The following GSTCD variants were observed in gnomAD, a reference collection of about 807,000 sequenced individuals.
GSTCD encodes the protein glutathione S-transferase C-terminal domain-containing protein.
Under a neutral mutation model 68.3 loss-of-function variants are expected in GSTCD, and 44 were observed. That is an observed-to-expected ratio of 0.64 (90% CI 0.51 to 0.83). The LOEUF is 0.83. Among genes scored for constraint, GSTCD ranks in the 40% least tolerant of loss-of-function variants. The pLI is 0.00. For synonymous variants in GSTCD, 273 were observed against 255.2 expected (o/e 1.07, Z -0.67); for missense variants, 739 against 735.9 (o/e 1.00, Z -0.05).
chr4:105,805,045 T>G (rs1722435815), intron 5 of GSTCD, among the ~76,000 whole-genome samples: 1 of 152,132 alleles, frequency 6.6e-6, no homozygotes. Flanking sequence ...TTATATTTAT[T>G]TTTATTTAGA....
chr4:105,768,105 G>A (rs1422161299), intron 5 of GSTCD, among the ~76,000 whole-genome samples: 2 of 150,634 alleles, frequency 1.3e-5, no homozygotes, highest in South Asian at 2.1e-4. Context: ...GCGCGATCTC[G>A]GCTCACTGCA....
At chr4:105,733,301 C>G (rs1001774264) in intron 5 of GSTCD, among the ~76,000 whole-genome samples, 2 of 152,084 alleles carry the variant, frequency 1.3e-5, no homozygotes, top group East Asian at 3.8e-4. Flanking sequence ...TAAAATCTCC[C>G]ATTATTATTG....
chr4:105,800,594 G>A (rs186009841), intron 5 of GSTCD, among the ~76,000 whole-genome samples: 2 of 152,282 alleles, frequency 1.3e-5, no homozygotes, highest in East Asian at 3.9e-4. Context: ...TTATAAATGT[G>A]TATGACACAA....
chr4:105,787,862 A>G (rs940800633), intron 5 of GSTCD, among the ~76,000 whole-genome samples: 1 of 152,234 alleles, frequency 6.6e-6, no homozygotes, highest in East Asian at 1.9e-4. Flanking sequence ...TTTTGGTATC[A>G]TTATTACTAT....
At chr4:105,817,945 A>G (rs1018240575) in intron 5 of GSTCD, among the ~76,000 whole-genome samples, 2 of 151,946 alleles carry the variant, frequency 1.3e-5, no homozygotes, top group Non-Finnish European at 2.9e-5. Flanking sequence ...AAATTAGCAT[A>G]ATGCCTTGAA....
chr4:105,829,776 T>C (rs113175752), intron 8 of GSTCD, among the ~76,000 whole-genome samples: 1 of 152,052 alleles, frequency 6.6e-6, no homozygotes, highest in African/African-American at 2.4e-5. Context: ...TCAAGGGTCT[T>C]AGGGAGAGAC....
chr4:105,811,694 A>G (rs1722759679), intron 5 of GSTCD, among the ~76,000 whole-genome samples: 1 of 150,186 alleles, frequency 6.7e-6, no homozygotes, highest in Non-Finnish European at 1.5e-5. Context: ...TAAAAGAAAG[A>G]AAAAAAAAAT....
At chr4:105,815,155 T>A (rs1578500049) in intron 5 of GSTCD, 1 of 152,194 alleles carries the variant, frequency 6.6e-6, no homozygotes, top group African/African-American at 2.4e-5. Flanking sequence ...TGCCTTTTCA[T>A]AACAATTATT....
chr4:105,710,130 AATC>A (rs1391346679), intron 1 of GSTCD, among the ~76,000 whole-genome samples: 1 of 151,924 alleles, frequency 6.6e-6, no homozygotes, highest in Non-Finnish European at 1.5e-5. Flanking sequence ...GAGATTTGAG[AATC>A]ATCATTTCTT....
chr4:105,774,182 G>A (rs1734963873), intron 5 of GSTCD, among the ~76,000 whole-genome samples: 1 of 152,070 alleles, frequency 6.6e-6, no homozygotes, highest in African/African-American at 2.4e-5. Context: ...TGCAACCCCT[G>A]CTTTTTTGCT....
intron 1 of GSTCD, among the ~76,000 whole-genome samples, chr4:105,711,474 G>A (rs1207562412): frequency 2.0e-5 from 3 of 152,176 alleles, no homozygotes; most frequent in African/African-American, 7.2e-5. Flanking sequence ...ATGGAAAGAA[G>A]CTTGAAAATA....
At chr4:105,745,487 A>C (rs1364072087) in intron 5 of GSTCD, among the ~76,000 whole-genome samples, 1 of 152,170 alleles carries the variant, frequency 6.6e-6, no homozygotes, top group Non-Finnish European at 1.5e-5. Context: ...TACCCATGTG[A>C]TTTCCTTCTC....
At chr4:105,757,907 C>G (rs1384274478) in intron 5 of GSTCD, among the ~76,000 whole-genome samples, 6 of 152,028 alleles carry the variant, frequency 3.9e-5, no homozygotes, top group Admixed American at 2.0e-4. Flanking sequence ...AACTAATTAG[C>G]CAAAATATGT....
At chr4:105,756,890 T>G (rs1406568999) in intron 5 of GSTCD, among the ~76,000 whole-genome samples, 2 of 152,054 alleles carry the variant, frequency 1.3e-5, no homozygotes, top group Admixed American at 1.3e-4. Flanking sequence ...TCAGCAGAGT[T>G]GAGAACTCTA....
At chr4:105,820,105 G>A (rs1723210462) in intron 5 of GSTCD, among the ~76,000 whole-genome samples, 3 of 151,588 alleles carry the variant, frequency 2.0e-5, no homozygotes, top group Admixed American at 1.3e-4. Context: ...ATGTGTGCTG[G>A]TGGTACATGT....
At chr4:105,838,239 A>G (rs749165833) in intron 10 of GSTCD, among the ~76,000 whole-genome samples, 1 of 152,200 alleles carries the variant, frequency 6.6e-6, no homozygotes, top group African/African-American at 2.4e-5. Flanking sequence ...CTGACTCTCT[A>G]TGGCCCAATT....
intron 11 of GSTCD, chr4:105,843,652 A>G (rs1724441750): frequency 1.3e-5 from 2 of 152,142 alleles, no homozygotes; most frequent in African/African-American, 2.4e-5. Flanking sequence ...TAATGAACCC[A>G]CTACCATGAT....
In GSTCD at chr4:105,756,922, A is replaced by G. The variant is rs1028248917; in HGVS notation, c.1240+27423A>G. Among the ~76,000 whole-genome samples the G allele has an allele frequency of 3.3e-5, 5 of 152,228 alleles. No individual in the cohort carries two copies. The East Asian group carries it at 5.8e-4, about 18-fold the overall frequency. ...TCTAGATCTACATGCATTATAGTTCATAATTATGTCACAGTCACCACTTAC... is the reference window on the plus strand; with the variant it reads ...TCTAGATCTACATGCATTATAGTTCGTAATTATGTCACAGTCACCACTTAC... On this transcript the variant is annotated intron_variant, in intron 5 of 11. Transcript: ENST00000515279.
At chr4:105,746,815 C>G (rs1733819640) in intron 5 of GSTCD, among the ~76,000 whole-genome samples, 1 of 152,122 alleles carries the variant, frequency 6.6e-6, no homozygotes, top group South Asian at 2.1e-4. Context: ...AAAGAATGAA[C>G]TGACCCTTAA....
Sources: gnomAD v4.1 joint callset for allele counts (sites outside exome capture counted in the v4.1 genomes callset) on GRCh38, gnomAD v4.1.1 for gene constraint, MANE v1.5 for transcripts, NCBI Gene and HGNC (gene_info 2026-07-23, HGNC 2026-07-21) for gene names.